The following PRR4 variants were observed in gnomAD, a reference collection of about 807,000 sequenced individuals.
PRR4 encodes proline rich 4.
Under a neutral mutation model 7.6 loss-of-function variants are expected in PRR4, and 7 were observed. That is an observed-to-expected ratio of 0.92 (90% CI 0.52 to 1.73). The LOEUF (loss-of-function observed/expected upper bound fraction) is 1.73, where lower values mean the gene tolerates loss of function less well. Ranked by LOEUF, PRR4 falls within the 40% of genes most tolerant of loss-of-function variation. The pLI is 0.00. For synonymous variants in PRR4, 64 were observed against 58.5 expected, an observed-to-expected ratio of 1.09 and a Z score of -0.43; for missense variants, 187 against 161.0, an observed-to-expected ratio of 1.16 and a Z score of -0.87.
At chr12:10,847,396 C>A in intron 2 of PRR4, 29 bp from the exon 3 acceptor site, 1 of 1,441,404 alleles carries the variant, frequency 6.9e-7, no homozygotes, top group African/African-American at 1.4e-5. Flanking sequence ...GACAAGAATG[C>A]ATGAGCTCAG....
At chr12:10,848,494 G>C (rs1400993710) in intron 1 of PRR4, 87 bp from the exon 2 acceptor site, 1 of 1,275,858 alleles carries the variant, frequency 7.8e-7, no homozygotes, top group Non-Finnish European at 1.1e-6. Flanking sequence ...GGGTCTTCTG[G>C]CCACACCCTG....
At chr12:10,846,515 C>T (rs758630939) in intron 3 of PRR4, among the ~76,000 whole-genome samples, 29 of 152,008 alleles carry the variant, frequency 1.9e-4, no homozygotes, top group Admixed American at 3.9e-4. Context: ...AGCTTCATAC[C>T]ATTCTGTTCA....
rs1047699 is a variant in PRR4 at position 10,847,109 on chromosome 12, T to C, written c.359A>G (p.Gln120Arg). The C allele has an allele frequency of 0.82, 1,311,979 of 1,609,774 alleles. 541,748 individuals are homozygous for C. The highest frequency in any genetic ancestry group is 0.94 in the East Asian group (42,279 of 44,804). ...VSLQEASSFF[Q>R]RDRPARHPQE... Reference sequence around the variant, plus strand: ...GGGATGTCTTGCTGGTCTGTCCCTCTGGAAGAATGATGATGCTTCCTGCAG... The same window carrying C: ...GGGATGTCTTGCTGGTCTGTCCCTCCGGAAGAATGATGATGCTTCCTGCAG... Residue 120 changes from glutamine to arginine, a missense_variant, in exon 3 of 4, where the codon CAG becomes CGG. Gln to Arg is a conservative substitution (Grantham distance 43). Transcript: ENST00000228811.
rs1007082689 is a variant in PRR4 at position 10,848,311 on chromosome 12, A to C, written c.100+61T>G. On this transcript the variant is annotated intron_variant, in intron 2 of 3. Coordinates refer to ENST00000228811, the MANE Select transcript of PRR4 (RefSeq NM_007244.3). ...TGAGAAGAAGACACTGAAGGAAACT[A>C]AAAAGAAATTCTAGTGGAAAAAGAA... The C allele has an allele frequency of 4.6e-6, 7 of 1,534,058 alleles. No homozygotes were observed. The South Asian group carries it at 8.1e-5, about 18-fold the overall frequency.
At chr12:10,848,582 T>A in intron 1 of PRR4, 175 bp from the exon 2 acceptor site, 1 of 532,866 alleles carries the variant, frequency 1.9e-6, no homozygotes, top group Non-Finnish European at 3.3e-6. Flanking sequence ...GGAGGCAGGA[T>A]TGTTACTATC....
intron 2 of PRR4, among the ~76,000 whole-genome samples, chr12:10,847,911 C>T (rs1949042615): frequency 6.6e-6 from 1 of 152,182 alleles, no homozygotes; most frequent in African/African-American, 2.4e-5. Context: ...TATTTATCAT[C>T]TGTAGTGACA....
chr12:10,849,308 C>G, intron 1 of PRR4, 66 bp downstream of exon 1: 3 of 998,436 alleles, frequency 3.0e-6, no homozygotes, highest in Admixed American at 2.5e-5. Context: ...ACCCCTGAGG[C>G]CCTAGAAGAG....
intron 3 of PRR4, among the ~76,000 whole-genome samples, chr12:10,846,761 G>A (rs1329972573): frequency 6.6e-6 from 1 of 151,994 alleles, no homozygotes; most frequent in African/African-American, 2.4e-5. Context: ...AGCACCAAAG[G>A]GAGAGCACAC....
At chr12:10,848,244 T>C in intron 2 of PRR4, 128 bp downstream of exon 2, 1 of 835,486 alleles carries the variant, frequency 1.2e-6, no homozygotes. Context: ...CTAATATTAA[T>C]CAATGCCTGA....
chr12:10,847,008 G>A, intron 3 of PRR4, 37 bp downstream of exon 3: 2 of 1,473,576 alleles, frequency 1.4e-6, no homozygotes, highest in Non-Finnish European at 1.8e-6. Context: ...AATGGTAGCA[G>A]TTTGGGCATT....
intron 2 of PRR4, among the ~76,000 whole-genome samples, chr12:10,847,784 T>C (rs910270028): frequency 6.6e-6 from 1 of 152,118 alleles, no homozygotes; most frequent in Non-Finnish European, 1.5e-5. Flanking sequence ...ACCTAAGCCC[T>C]ATGTGGAAAC....
At chr12:10,848,056 T>C (rs1344339133) in intron 2 of PRR4, among the ~76,000 whole-genome samples, 1 of 151,894 alleles carries the variant, frequency 6.6e-6, no homozygotes, top group African/African-American at 2.4e-5. Context: ...GATGGAGGAG[T>C]CAGAATGAGA....
chr12:10,847,282 A>G lies in PRR4; in HGVS notation c.186T>C (p.Ser62=). The change falls in exon 3 of 4, where the codon AGT becomes AGC. Residue 62 remains serine (S), a synonymous_variant. Coordinates refer to ENST00000228811, the MANE Select transcript of PRR4 (RefSeq NM_007244.3). ...EGLLPRPPGD[S]GNQDDGPQQR... The stretch of plus-strand genomic sequence containing the variant: ...GCTGAGGACCATCATCTTGGTTACC[A>G]CTATCACCAGGGGGTCTAGGTAGGA... The G allele has an allele frequency of 1.2e-6, 2 of 1,610,670 alleles. No homozygotes were observed. The highest frequency in any genetic ancestry group is 1.7e-6 in the Non-Finnish European group (2 of 1,177,954).
intron 1 of PRR4, 102 bp from the exon 2 acceptor site, chr12:10,848,509 T>A: frequency 1.9e-6 from 2 of 1,056,898 alleles, no homozygotes; most frequent in Non-Finnish European, 2.8e-6. Flanking sequence ...ACCCTGTGCA[T>A]CCCCTAAGTT....
rs375673181 is a variant in PRR4, at chr12:10,849,469, C to T, written c.-32G>A. 1.9e-6 allele frequency: 3 copies of T among 1,548,756 alleles called. No homozygotes were observed. In the African/African-American group the frequency reaches 4.1e-5, roughly 21 times the overall value. The stretch of plus-strand genomic sequence containing the variant: ...GGAGGCTCTGGAGTTGCTCCCAACT[C>T]TGCGTTGAGAGAAACATGGCAGCTC... On this transcript the variant is annotated 5_prime_UTR_variant, in exon 1 of 4. Coordinates refer to ENST00000228811, the MANE Select transcript of PRR4 (RefSeq NM_007244.3).
At chr12:10,846,285 A>G (rs529936084) in intron 3 of PRR4, among the ~76,000 whole-genome samples, 1 of 152,334 alleles carries the variant, frequency 6.6e-6, no homozygotes, top group Non-Finnish European at 1.5e-5. Flanking sequence ...CACCAAGAAG[A>G]TCTATAGGTC....
At position 10,847,040 on chromosome 12, in the gene PRR4, C is replaced by G; in HGVS notation, c.*18+5G>C. On this transcript the variant is annotated splice_donor_5th_base_variant and intron_variant, in intron 3 of 3. Coordinates refer to ENST00000228811, the MANE Select transcript of PRR4 (RefSeq NM_007244.3). ...CATTTAATGGAGAATGAACTGGAAT[C>G]ATACCTGCCACTGAATTCTAGATTA... The G allele has an allele frequency of 3.9e-6, 6 of 1,541,342 alleles. No homozygotes were observed. Among genetic ancestry groups the G allele is most frequent in the Non-Finnish European group, 5.3e-6 (6 of 1,138,266 alleles).
intron 1 of PRR4, 111 bp downstream of exon 1, chr12:10,849,258 TCCTCC>T: frequency 2.1e-6 from 1 of 482,730 alleles, no homozygotes; most frequent in Non-Finnish European, 3.5e-6. Context: ...TCAACCTCCT[TCCTCC>T]CCTCCTGCTC....
Position 10,849,396 on chromosome 12 carries a change from G to A in PRR4, c.42C>T (p.Ser14=). 1 of 1,606,582 alleles carries A rather than the reference G, an allele frequency of 6.2e-7. No individual in the cohort carries two copies. Among genetic ancestry groups the A allele is most frequent in the Non-Finnish European group, 8.5e-7 (1 of 1,176,822 alleles). ...VLLSVVLLAL[S]SAQSTDNDVN... The stretch of plus-strand genomic sequence containing the variant: ...TACCATTATCTGTGCTCTGAGCTGA[G>A]CTCAGAGCCAGAAGGACCACTGAGA... The change falls in exon 1 of 4, where the codon AGC becomes AGT. Residue 14 remains serine, a synonymous_variant. Transcript: ENST00000228811.
Sources: allele counts gnomAD v4.1 joint callset (sites outside exome capture counted in the v4.1 genomes callset), GRCh38; gene constraint gnomAD v4.1.1; transcripts MANE v1.5; gene names NCBI Gene and HGNC (gene_info 2026-07-23, HGNC 2026-07-21).